USP46: variants seen among roughly 807,000 people sequenced by gnomAD.
The protein encoded by USP46 is ubiquitin carboxyl-terminal hydrolase 46.
USP46 carries 12 observed loss-of-function variants against 44.4 expected under a neutral mutation model. The observed-to-expected ratio is 0.27, with a 90% CI of 0.17 to 0.44. USP46 has a LOEUF of 0.44. Ranked by LOEUF, USP46 falls within the 20% of genes least tolerant of loss-of-function variation. The probability of loss-of-function intolerance (pLI) is 1.00; values close to 1 mark genes in which losing one functional copy is unlikely to be tolerated. For synonymous variants in USP46, 155 were observed against 161.5 expected (o/e 0.96, Z 0.31); for missense variants, 248 against 444.8 (o/e 0.56, Z 3.98).
chr4:52,608,432 G>C (rs1175842595), intron 5 of USP46, among the ~76,000 whole-genome samples: 1 of 152,236 alleles, frequency 6.6e-6, no homozygotes, highest in Non-Finnish European at 1.5e-5. Flanking sequence ...TACTGACGAG[G>C]CTGCGCCTAT....
chr4:52,631,184 A>T, intron 1 of USP46, 40 bp from the exon 2 acceptor site: 1 of 1,488,546 alleles, frequency 6.7e-7, no homozygotes, highest in South Asian at 1.2e-5. Context: ...TGCATGTAAA[A>T]TAGACAAAAA....
chr4:52,639,878 T>C (rs1324068432), intron 1 of USP46, among the ~76,000 whole-genome samples: 2 of 148,378 alleles, frequency 1.3e-5, no homozygotes, highest in African/African-American at 5.0e-5. Context: ...TTTTTTTTTT[T>C]TTTTTGGTAG....
intron 1 of USP46, among the ~76,000 whole-genome samples, chr4:52,638,866 C>T (rs1718223942): frequency 6.6e-6 from 1 of 151,980 alleles, no homozygotes; most frequent in African/African-American, 2.4e-5. Flanking sequence ...TTCGTGCTCT[C>T]CCTATGTACT....
rs1384482066 is a variant in USP46 at position 52,596,339 on chromosome 4, C to T, written c.*1301G>A. ...CCAAGATCTATGACTCAAAAACCAG[C>T]TCAACAGCAAAACACCAAATGACCC... On this transcript the variant is annotated 3_prime_UTR_variant, in exon 9 of 9. Coordinates refer to ENST00000441222, the MANE Select transcript of USP46 (RefSeq NM_022832.4). 1 of 152,594 alleles carries T rather than the reference C, an allele frequency of 6.6e-6. No homozygotes were observed. Among genetic ancestry groups the T allele is most frequent in the Non-Finnish European group, 1.5e-5 (1 of 68,034 alleles). 9.5% of individuals were successfully genotyped at this position (152,594 alleles called of 1,614,324 possible).
chr4:52,616,085 C>T (rs557892840), intron 4 of USP46, among the ~76,000 whole-genome samples: 1 of 152,280 alleles, frequency 6.6e-6, no homozygotes, highest in Non-Finnish European at 1.5e-5. Flanking sequence ...ATGCCACACC[C>T]AACAACTGCC....
At chr4:52,652,766 T>C (rs948198540) in intron 1 of USP46, among the ~76,000 whole-genome samples, 8 of 151,934 alleles carry the variant, frequency 5.3e-5, no homozygotes, top group African/African-American at 1.9e-4. Flanking sequence ...GGTCACTCTG[T>C]GGGGAGAGGC....
At chr4:52,649,915 C>T (rs949463400) in intron 1 of USP46, among the ~76,000 whole-genome samples, 6 of 152,188 alleles carry the variant, frequency 3.9e-5, no homozygotes, top group East Asian at 3.8e-4. Flanking sequence ...CACATACACA[C>T]GCAGGTGCCT....
intron 4 of USP46, among the ~76,000 whole-genome samples, chr4:52,624,094 T>C (rs1717485343): frequency 6.6e-6 from 1 of 151,470 alleles, no homozygotes; most frequent in Non-Finnish European, 1.5e-5. Flanking sequence ...GTAAAAAGGG[T>C]GTGTTGGGGT....
intron 4 of USP46, among the ~76,000 whole-genome samples, chr4:52,616,125 A>G (rs1228906759): frequency 6.6e-6 from 1 of 152,202 alleles, no homozygotes. Context: ...GTAGTTCTCA[A>G]CAGGGGAAAT....
In USP46 at chr4:52,592,960, TCCCCC is replaced by T; in HGVS notation, c.*4675_*4679del. On this transcript the variant is annotated 3_prime_UTR_variant, in exon 9 of 9. Transcript: ENST00000441222. ...TGCTGATTGTAAGTTTCCTGAGGCC[TCCCCC>T]AGAACAGAAGCCTGTACAGCCCATA... is the stretch of plus-strand genomic sequence containing the variant. 1 of 398,372 alleles carries T rather than the reference TCCCCC, an allele frequency of 2.5e-6. No homozygotes were observed. Among genetic ancestry groups the T allele is most frequent in the East Asian group, 3.6e-5 (1 of 28,058 alleles). The allele number at this position is 398,372 out of a possible 1,614,324, so 24.7% of individuals were successfully genotyped here.
rs1362789165 is a variant in USP46, at chr4:52,601,904, G to A, written c.873C>T (p.Asn291=). 1 of 1,613,950 alleles carries A rather than the reference G, an allele frequency of 6.2e-7. No individual in the cohort carries two copies. The highest frequency in any genetic ancestry group is 1.7e-5 in the Admixed American group (1 of 60,024). ...RLFNTSSDAV[N]LDRMYDLVAV... ...CAACCAAGTCATACATGCGGTCCAGGTTCACTGCATCACTGGAGGTGTTGA... is the reference window on the plus strand; with the variant it reads ...CAACCAAGTCATACATGCGGTCCAGATTCACTGCATCACTGGAGGTGTTGA... The change falls in exon 7 of 9, where the codon AAC becomes AAT. Residue 291 remains asparagine (N), a synonymous_variant. Coordinates refer to ENST00000441222, the MANE Select transcript of USP46 (RefSeq NM_022832.4).
chr4:52,603,840 A>G (rs1250168817), intron 6 of USP46, among the ~76,000 whole-genome samples: 1 of 152,110 alleles, frequency 6.6e-6, no homozygotes, highest in Admixed American at 6.5e-5. Context: ...ACCTGGCACC[A>G]TGCCCAGCTA....
intron 4 of USP46, among the ~76,000 whole-genome samples, chr4:52,612,030 G>A (rs1336889557): frequency 8.5e-5 from 13 of 152,180 alleles, no homozygotes; most frequent in Non-Finnish European, 1.9e-4. Context: ...CTGTAAAGTG[G>A]GGACAACAAG....
intron 4 of USP46, among the ~76,000 whole-genome samples, chr4:52,618,196 C>T (rs1717239334): frequency 6.6e-6 from 1 of 151,960 alleles, no homozygotes; most frequent in Admixed American, 6.6e-5. Context: ...CCAGCCTGGG[C>T]AACATAGTGA....
chr4:52,626,161 TCTC>T lies in USP46; in HGVS notation c.415_417del (p.Glu139del), dbSNP rs746953671. The T allele has an allele frequency of 1.9e-6, 3 of 1,613,814 alleles. No homozygotes were observed. Among genetic ancestry groups the T allele is most frequent in the Non-Finnish European group, 2.5e-6 (3 of 1,179,868 alleles). ...TTTCCATTTTGTTTTTCCTGTTTCT[TCTC>T]CTCCTGAAGGATGTCCGCAATAGTG... On this transcript the variant is annotated inframe_deletion, in exon 4 of 9. Transcript: ENST00000441222.
intron 3 of USP46, among the ~76,000 whole-genome samples, chr4:52,627,519 T>C (rs1482621579): frequency 1.3e-5 from 2 of 152,242 alleles, no homozygotes; most frequent in East Asian, 1.9e-4. Flanking sequence ...ATCAGAGGTA[T>C]TGTATTTAAA....
At chr4:52,626,564 T>A (rs1717593810) in intron 3 of USP46, among the ~76,000 whole-genome samples, 1 of 152,050 alleles carries the variant, frequency 6.6e-6, no homozygotes, top group Admixed American at 6.6e-5. Flanking sequence ...ACCTTGTGAT[T>A]TGCCCACCCT....
intron 1 of USP46, among the ~76,000 whole-genome samples, chr4:52,642,892 GGATA>G (rs1205136488): frequency 6.6e-6 from 1 of 152,074 alleles, no homozygotes; most frequent in African/African-American, 2.4e-5. Context: ...CTAAATACTT[GGATA>G]GATACTGACA....
Position 52,632,990 on chromosome 4 carries a change from A to AAAGAAAGAAAGAAAAGAAAGAAAGAAAG in USP46, c.37-1847_37-1846insCTTTCTTTCTTTCTTTTCTTTCTTTCTT. On this transcript the variant is annotated intron_variant, in intron 1 of 8. Transcript: ENST00000441222. ...AAAGAAAGAAAGAAAGAAAGAAAAG[A>AAAGAAAGAAAGAAAAGAAAGAAAGAAAG]AAAGAAAGAAAGAAAGAAAGAAAGA... is the stretch of plus-strand genomic sequence containing the variant. Among the ~76,000 whole-genome samples the AAAGAAAGAAAGAAAAGAAAGAAAGAAAG allele has an allele frequency of 3.0e-5, 2 of 66,294 alleles. 1 individual carries two copies. The highest frequency in any genetic ancestry group is 3.2e-4 in the Admixed American group (2 of 6,154). The allele number at this position is 66,294 out of a possible 152,430, so 43.5% of individuals were successfully genotyped here. A position where few individuals can be genotyped will look rare whatever the true frequency, so the allele number is the denominator to read the frequency against.
Sources: gnomAD v4.1 joint callset for allele counts (sites outside exome capture counted in the v4.1 genomes callset) on GRCh38, gnomAD v4.1.1 for gene constraint, MANE v1.5 for transcripts, NCBI Gene and HGNC (gene_info 2026-07-23, HGNC 2026-07-21) for gene names.